Variants in SLC39A10 observed in about 807,000 individuals in gnomAD.
SLC39A10 encodes solute carrier family 39 member 10.
SLC39A10 carries 13 observed loss-of-function variants against 65.1 expected under a neutral mutation model. That is an observed-to-expected ratio of 0.20 (90% CI 0.13 to 0.32). The LOEUF (loss-of-function observed/expected upper bound fraction) is 0.32. Ranked by LOEUF, SLC39A10 falls within the 10% of genes least tolerant of loss-of-function variation. The pLI is 1.00. For missense variants in SLC39A10, 831 were observed against 1,018.4 expected (o/e 0.82, Z 2.50); for synonymous variants, 321 against 342.2 (o/e 0.94, Z 0.68).
intron 8 of SLC39A10, among the ~76,000 whole-genome samples, chr2:195,725,113 C>G (rs1692188437): frequency 6.6e-6 from 1 of 151,904 alleles, no homozygotes; most frequent in South Asian, 2.1e-4. Flanking sequence ...ATACCTTTGA[C>G]CCATATCTCA....
At chr2:195,673,224 T>C (rs1051004999) in intron 1 of SLC39A10, among the ~76,000 whole-genome samples, 4 of 152,354 alleles carry the variant, frequency 2.6e-5, no homozygotes, top group African/African-American at 9.6e-5. Context: ...TTGCCCAGGC[T>C]GGAGTGCAGT....
At chr2:195,624,167 C>T (rs541471732) in intron 2 of SLC39A10, among the ~76,000 whole-genome samples, 13 of 152,040 alleles carry the variant, frequency 8.6e-5, no homozygotes, top group Non-Finnish European at 1.5e-4. Context: ...GGGTGAATCA[C>T]ATGAGGTTGG....
upstream of SLC39A10, among the ~76,000 whole-genome samples, chr2:195,653,416 T>A (rs568602736): frequency 6.6e-6 from 1 of 151,808 alleles, no homozygotes; most frequent in South Asian, 2.1e-4. Flanking sequence ...TGCCTTAGCC[T>A]CCCGAGTAGC....
At position 195,683,819 on chromosome 2, in the gene SLC39A10, A is replaced by T. The variant is rs773209893; in HGVS notation, c.1129A>T (p.Ile377Phe). 4 of 1,613,288 alleles carry T rather than the reference A, an allele frequency of 2.5e-6. No homozygotes were observed. In the East Asian group the frequency reaches 8.9e-5, roughly 36 times the overall value. The change falls in exon 3 of 10, where the codon ATT becomes TTT. Residue 377 changes from isoleucine to phenylalanine, a missense_variant. Coordinates refer to ENST00000359634, the MANE Select transcript of SLC39A10 (RefSeq NM_020342.3). ...ATATCAAATCGACAGCAGACTTTGT[A>T]TTGAGCATTTTGACAAACTTTTAGT... Reference protein sequence around the residue: ...LLYQIDSRLCIEHFDKLLVED... With the variant: ...LLYQIDSRLCFEHFDKLLVED...
intron 2 of SLC39A10, among the ~76,000 whole-genome samples, chr2:195,631,962 C>A (rs1039289637): frequency 6.6e-6 from 1 of 152,076 alleles, no homozygotes; most frequent in Non-Finnish European, 1.5e-5. Context: ...GATCATGGCT[C>A]ACTGCTGCCT....
At chr2:195,714,371 A>G (rs1691711094) in intron 6 of SLC39A10, among the ~76,000 whole-genome samples, 1 of 152,218 alleles carries the variant, frequency 6.6e-6, no homozygotes, top group Admixed American at 6.5e-5. Flanking sequence ...TCTCATGGGA[A>G]TAATCTTAGA....
In SLC39A10 at chr2:195,699,968, TCG is replaced by T. The variant is rs144917394; in HGVS notation, c.1217-6646_1217-6645del. ...TACATAAACGTTTATAATTGTTTTA[TCG>T]CTGTCCTTCCTTGTTTCTTGTAACC... On this transcript the variant is annotated intron_variant, in intron 3 of 9. Coordinates refer to ENST00000359634, the MANE Select transcript of SLC39A10 (RefSeq NM_020342.3). 3.2e-4 allele frequency among the ~76,000 whole-genome samples: 49 copies of T among 152,288 alleles called. 1 individual carries two copies. In the East Asian group the frequency reaches 9.1e-3, roughly 28 times the overall value.
chr2:195,706,926 A>G, intron 4 of SLC39A10, 141 bp downstream of exon 4: 1 of 556,130 alleles, frequency 1.8e-6, no homozygotes, highest in South Asian at 7.7e-5. Flanking sequence ...TTTTTTCTCC[A>G]TTTTCAGAGT....
chr2:195,625,928 T>C (rs1465907146), intron 2 of SLC39A10, among the ~76,000 whole-genome samples: 1 of 152,120 alleles, frequency 6.6e-6, no homozygotes, highest in Non-Finnish European at 1.5e-5. Context: ...GGGACTACAG[T>C]TGCCTGCGCC....
intron 1 of SLC39A10, among the ~76,000 whole-genome samples, chr2:195,666,274 AT>A (rs1218271516): frequency 3.3e-5 from 5 of 152,120 alleles, no homozygotes; most frequent in Non-Finnish European, 4.4e-5. Context: ...AGATTTTTTG[AT>A]TATTTTTTTC....
chr2:195,708,790 G>A lies in SLC39A10; in HGVS notation c.1521G>A (p.Leu507=), dbSNP rs1574297592. 6.2e-7 allele frequency: 1 copy of A among 1,612,842 alleles called. No homozygotes were observed. Among genetic ancestry groups the A allele is most frequent in the Non-Finnish European group, 8.5e-7 (1 of 1,179,564 alleles). ...KGLVALGGIY[L]LFIIEHCIRM... ...TTGTTGCTCTAGGAGGCATTTACTT[G>A]CTATTTATCATTGAACACTGCATTA... Residue 507 remains leucine, a synonymous_variant, in exon 5 of 10, where the codon TTG becomes TTA. Transcript: ENST00000359634.
intron 1 of SLC39A10, among the ~76,000 whole-genome samples, chr2:195,675,295 T>G (rs1690038153): frequency 6.6e-6 from 1 of 152,322 alleles, no homozygotes; most frequent in East Asian, 1.9e-4. Context: ...TTGAGCGTGC[T>G]TGGATTTTTG....
In SLC39A10 at chr2:195,680,582, T is replaced by C. The variant is rs1168013481; in HGVS notation, c.540T>C (p.His180=). The C allele has an allele frequency of 1.2e-6, 2 of 1,614,166 alleles. No individual in the cohort carries two copies. The highest frequency in any genetic ancestry group is 2.2e-5 in the South Asian group (2 of 91,078). The part of the protein sequence containing the change: ...HMHDHNHRLR[H]HHRLHHHLDH... ...ATGACCATAATCACCGCCTACGTCA[T>C]CACCATCGTTTGCATCATCATCTTG... The change falls in exon 2 of 10, where the codon CAT becomes CAC. Residue 180 remains histidine, a synonymous_variant. Transcript: ENST00000359634.
intron 2 of SLC39A10, among the ~76,000 whole-genome samples, chr2:195,651,534 G>T (rs1041142109): frequency 6.6e-6 from 1 of 152,136 alleles, no homozygotes; most frequent in African/African-American, 2.4e-5. Context: ...GAAAGCAGGG[G>T]CATGATCTCG....
intron 3 of SLC39A10, among the ~76,000 whole-genome samples, chr2:195,701,445 T>G (rs1008874227): frequency 6.9e-6 from 1 of 145,262 alleles, no homozygotes; most frequent in African/African-American, 2.5e-5. Context: ...CTTTTTTTTT[T>G]TTTTTTTTTT....
intron 2 of SLC39A10, among the ~76,000 whole-genome samples, chr2:195,625,677 G>A (rs1037084612): frequency 6.6e-6 from 1 of 152,082 alleles, no homozygotes; most frequent in Non-Finnish European, 1.5e-5. Flanking sequence ...TGTGTGCAAG[G>A]CATTGCTATG....
intron 7 of SLC39A10, among the ~76,000 whole-genome samples, chr2:195,718,011 C>T (rs941563906): frequency 6.6e-6 from 1 of 152,056 alleles, no homozygotes; most frequent in African/African-American, 2.4e-5. Flanking sequence ...TGGAAGGCTA[C>T]AAAAATAGAG....
intron 6 of SLC39A10, among the ~76,000 whole-genome samples, chr2:195,714,637 A>T (rs1253952075): frequency 6.6e-6 from 1 of 152,234 alleles, no homozygotes; most frequent in African/African-American, 2.4e-5. Flanking sequence ...AGTTAAAACC[A>T]TAAAAGGGGA....
At chr2:195,648,031 C>T (rs1457489294) in intron 2 of SLC39A10, among the ~76,000 whole-genome samples, 3 of 152,186 alleles carry the variant, frequency 2.0e-5, no homozygotes, top group African/African-American at 7.2e-5. Context: ...CCCACTCTGT[C>T]ACCCAGGCTA....
Sources: gnomAD v4.1 joint callset for allele counts (sites outside exome capture counted in the v4.1 genomes callset) on GRCh38, gnomAD v4.1.1 for gene constraint, MANE v1.5 for transcripts, NCBI Gene and HGNC (gene_info 2026-07-23, HGNC 2026-07-21) for gene names.